The following RAB27B variants were observed in gnomAD, a reference collection of about 807,000 sequenced individuals.
RAB27B encodes RAB27B, member RAS oncogene family, also known as ras-related protein Rab-27B.
In RAB27B, 15 loss-of-function variants were observed where a neutral mutation model predicts 24.6. The ratio of observed to expected loss-of-function variants is 0.61; its 90% CI spans 0.41 to 0.94. The LOEUF is 0.94. Among genes scored for constraint, RAB27B ranks in the 40% least tolerant of loss-of-function variants. RAB27B has a pLI of 0.00. For missense variants in RAB27B, 261 were observed against 266.8 expected (o/e 0.98, Z 0.15); for synonymous variants, 105 against 92.5 (o/e 1.14, Z -0.78).
chr18:54,807,184 C>G (rs746061032), intron 2 of RAB27B, among the ~76,000 whole-genome samples: 1 of 152,220 alleles, frequency 6.6e-6, no homozygotes, highest in Non-Finnish European at 1.5e-5. Flanking sequence ...CAGGCATGAG[C>G]CACCGCGCCC....
intron 1 of RAB27B, among the ~76,000 whole-genome samples, chr18:54,856,935 TTACC>T (rs1396937279): frequency 6.6e-6 from 1 of 152,250 alleles, no homozygotes; most frequent in African/African-American, 2.4e-5. Context: ...CTTTAATTTC[TTACC>T]TAAGATGTCA....
intron 2 of RAB27B, among the ~76,000 whole-genome samples, chr18:54,796,372 C>T (rs1395353393): frequency 6.6e-6 from 1 of 152,198 alleles, no homozygotes; most frequent in African/African-American, 2.4e-5. Context: ...GGCAGAGGAC[C>T]AGTATGACAG....
intron 2 of RAB27B, among the ~76,000 whole-genome samples, chr18:54,745,828 TTATTA>T (rs1598874646): frequency 2.7e-5 from 4 of 145,558 alleles, no homozygotes; most frequent in East Asian, 1.9e-4. Context: ...ATATTTATAT[TTATTA>T]TATTATATAT....
intron 4 of RAB27B, among the ~76,000 whole-genome samples, chr18:54,885,000 T>A (rs149775778): frequency 1.3e-5 from 2 of 152,162 alleles, no homozygotes; most frequent in Non-Finnish European, 2.9e-5. Flanking sequence ...GAGGAAACCA[T>A]GTAAAGACAA....
rs533569835 is a variant in RAB27B, at chr18:54,820,522, T to C, written c.-19-57045T>C. 2.6e-5 allele frequency among the ~76,000 whole-genome samples: 4 copies of C among 152,340 alleles called. No homozygotes were observed. In the East Asian group the frequency reaches 5.8e-4, roughly 22 times the overall value. ...TCGTAGATTCTGGATATTAGCCCTTTGTCAGATGAGTAGATTGCAAAAATT... is the reference window on the plus strand; with the variant it reads ...TCGTAGATTCTGGATATTAGCCCTTCGTCAGATGAGTAGATTGCAAAAATT... On this transcript the variant is annotated intron_variant, in intron 2 of 4. Transcript: ENST00000586570.
intron 1 of RAB27B, among the ~76,000 whole-genome samples, chr18:54,834,691 G>GTC (rs1910823690): frequency 6.6e-6 from 1 of 151,916 alleles, no homozygotes; most frequent in African/African-American, 2.4e-5. Context: ...ATGTGTGTGT[G>GTC]TGTGTGTGCA....
intron 1 of RAB27B, among the ~76,000 whole-genome samples, chr18:54,875,915 C>A (rs1260317476): frequency 1.3e-5 from 2 of 151,916 alleles, no homozygotes; most frequent in East Asian, 3.9e-4. Flanking sequence ...AATTTTTTTA[C>A]ACATAAAAAG....
At chr18:54,811,126 C>T (rs1043963525) in intron 2 of RAB27B, among the ~76,000 whole-genome samples, 1 of 152,130 alleles carries the variant, frequency 6.6e-6, no homozygotes, top group African/African-American at 2.4e-5. Flanking sequence ...TGCTTTATCA[C>T]CTGAGTCACT....
chr18:54,888,114 T>C lies in RAB27B; in HGVS notation c.463T>C (p.Tyr155His). The C allele has an allele frequency of 1.9e-6, 3 of 1,612,564 alleles. No homozygotes were observed. The highest frequency in any genetic ancestry group is 2.5e-6 in the Non-Finnish European group (3 of 1,179,100). Residue 155 changes from tyrosine (Y) to histidine (H), a missense_variant, in exon 5 of 6, where the codon TAT becomes CAT. Tyr to His is a moderately conservative substitution (Grantham distance 83). Coordinates refer to ENST00000262094, the MANE Select transcript of RAB27B (RefSeq NM_004163.4). ...GCAAGCTCGGGAACTGGCTGACAAA[T>C]ATGGGTAAGTCAGTTACACTGAGAT... ...ERQARELADK[Y>H]GIPYFETSAA...
intron 2 of RAB27B, among the ~76,000 whole-genome samples, chr18:54,747,486 T>C (rs1202681379): frequency 6.6e-6 from 1 of 152,138 alleles, no homozygotes; most frequent in Non-Finnish European, 1.5e-5. Context: ...TGGATATGAA[T>C]TGTGAATTGA....
chr18:54,793,268 A>G (rs1048715590), intron 2 of RAB27B, among the ~76,000 whole-genome samples: 1 of 152,222 alleles, frequency 6.6e-6, no homozygotes, highest in African/African-American at 2.4e-5. Flanking sequence ...AAACAGAAAC[A>G]GAATTCGTTG....
chr18:54,889,333 CA>C lies in RAB27B; in HGVS notation c.580del (p.Ile194SerfsTer53). 4 of 1,613,342 alleles carry C rather than the reference CA, an allele frequency of 2.5e-6. No individual in the cohort carries two copies. The highest frequency in any genetic ancestry group is 3.4e-6 in the Non-Finnish European group (4 of 1,179,508). On this transcript the variant is annotated frameshift_variant, in exon 6 of 6. Coordinates refer to ENST00000262094, the MANE Select transcript of RAB27B (RefSeq NM_004163.4). LOFTEE classifies it high-confidence loss of function. ...KRMEQCVEKT[Q>X]IPDTVNGGNS... The stretch of plus-strand genomic sequence containing the variant: ...AATGGAACAGTGTGTGGAGAAGACA[CA>C]AATCCCTGATACTGTCAATGGTGGA...
chr18:54,872,021 C>A (rs1250479298), intron 1 of RAB27B, among the ~76,000 whole-genome samples: 1 of 152,114 alleles, frequency 6.6e-6, no homozygotes, highest in Non-Finnish European at 1.5e-5. Flanking sequence ...CAACACGTAA[C>A]TGTAGCATTT....
At chr18:54,811,651 C>T (rs1333064047) in intron 2 of RAB27B, among the ~76,000 whole-genome samples, 2 of 152,162 alleles carry the variant, frequency 1.3e-5, no homozygotes, top group Admixed American at 1.3e-4. Context: ...ACTTTCTGTC[C>T]TACACCTGTG....
At chr18:54,888,176 G>A (rs562815716) in intron 5 of RAB27B, 58 bp downstream of exon 5, 9 of 1,573,866 alleles carry the variant, frequency 5.7e-6, no homozygotes, top group Admixed American at 1.8e-5. Flanking sequence ...AGCAAATGGA[G>A]CAGAGACATT....
chr18:54,869,676 T>A (rs989647773), intron 1 of RAB27B, among the ~76,000 whole-genome samples: 7 of 152,222 alleles, frequency 4.6e-5, no homozygotes, highest in African/African-American at 1.7e-4. Flanking sequence ...ATTAATAACC[T>A]AGGTTATATT....
chr18:54,728,498 T>C lies in RAB27B; in HGVS notation c.-20+10357T>C, dbSNP rs150307071. ...AGAGCAAACTGGGAAAATTATCAAGTGAAAACTAAACAAATTCATCACTAG... is the reference window on the plus strand; with the variant it reads ...AGAGCAAACTGGGAAAATTATCAAGCGAAAACTAAACAAATTCATCACTAG... On this transcript the variant is annotated intron_variant, in intron 2 of 4. Coordinates refer to the RAB27B transcript ENST00000586570. Among the ~76,000 whole-genome samples the C allele has an allele frequency of 7.2e-5, 11 of 152,192 alleles. No homozygotes were observed. The East Asian group carries it at 2.1e-3, about 29-fold the overall frequency.
intron 1 of RAB27B, among the ~76,000 whole-genome samples, chr18:54,844,317 T>C (rs1911232373): frequency 6.6e-6 from 1 of 151,990 alleles, no homozygotes; most frequent in Non-Finnish European, 1.5e-5. Context: ...AGACAGAAAA[T>C]TTACTGAATT....
intron 2 of RAB27B, among the ~76,000 whole-genome samples, chr18:54,806,487 T>A (rs1909793438): frequency 6.8e-6 from 1 of 147,422 alleles, no homozygotes; most frequent in Non-Finnish European, 1.5e-5. Context: ...TATAAATAAA[T>A]AAATGGATAA....
Sources: gnomAD v4.1 joint callset for allele counts (sites outside exome capture counted in the v4.1 genomes callset) on GRCh38, gnomAD v4.1.1 for gene constraint, MANE v1.5 for transcripts, NCBI Gene and HGNC (gene_info 2026-07-23, HGNC 2026-07-21) for gene names.